Variants in THADA observed in about 807,000 individuals in gnomAD.
THADA encodes tRNA (32-2'-O)-methyltransferase regulator THADA.
Under a neutral mutation model 219.8 loss-of-function variants are expected in THADA, and 213 were observed. The observed-to-expected ratio is 0.97, with a 90% confidence interval of 0.87 to 1.09. The LOEUF (loss-of-function observed/expected upper bound fraction) is 1.09. Among genes scored for constraint, THADA ranks in the 50% least tolerant of loss-of-function variants. The pLI, the probability that THADA is intolerant of heterozygous loss-of-function variation, is 0.00. For synonymous variants in THADA, 1,018 were observed against 828.9 expected (o/e 1.23, Z -3.92); for missense variants, 2,956 against 2,311.3 (o/e 1.28, Z -5.72).
intron 4 of THADA, 128 bp downstream of exon 4, chr2:43,590,696 C>T (rs2104182312): frequency 1.4e-6 from 1 of 696,548 alleles, no homozygotes; most frequent in South Asian, 2.8e-5. Context: ...AAACAGAGAA[C>T]AAACCATATG....
chr2:43,397,966 C>T lies in THADA; in HGVS notation c.4227+5G>A. ...ACAGAAGTCACACAAAGCAACTTTA[C>T]TTACCTGGAGAAGTGTCCCATGAAT... On this transcript the variant is annotated splice_donor_5th_base_variant and intron_variant, in intron 29 of 37. Coordinates refer to ENST00000405975, the MANE Select transcript of THADA (RefSeq NM_022065.5). The T allele has an allele frequency of 1.9e-6, 3 of 1,613,660 alleles. No individual in the cohort carries two copies. Among genetic ancestry groups the T allele is most frequent in the African/African-American group, 1.3e-5 (1 of 75,046 alleles).
At chr2:43,570,098 T>C (rs1362220391) in intron 14 of THADA, among the ~76,000 whole-genome samples, 1 of 152,188 alleles carries the variant, frequency 6.6e-6, no homozygotes, top group Non-Finnish European at 1.5e-5. Flanking sequence ...TACTGTCAAT[T>C]ACCCTTCTGT....
At chr2:43,331,938 C>T (rs1023601541) in intron 30 of THADA, among the ~76,000 whole-genome samples, 1 of 152,048 alleles carries the variant, frequency 6.6e-6, no homozygotes, top group African/African-American at 2.4e-5. Context: ...CACACACACA[C>T]ACACACACAT....
Position 43,551,857 on chromosome 2 carries a change from G to C in THADA, c.2879C>G (p.Ser960Cys). The change falls in exon 19 of 38, where the codon TCC becomes TGC. Residue 960 changes from serine (S) to cysteine (C), a missense_variant. Physicochemically the swap from Ser to Cys is moderately radical, Grantham distance 112. Coordinates refer to ENST00000405975, the MANE Select transcript of THADA (RefSeq NM_022065.5). ...EKLLLMSYRLSTVVSPVIQSS... is the reference protein window; with the variant it reads ...EKLLLMSYRLCTVVSPVIQSS... ...CTGAATGACTGGAGACACCACAGTGGAAAGCCTGTAGGACATCAAAAGGAG... is the reference window on the plus strand; with the variant it reads ...CTGAATGACTGGAGACACCACAGTGCAAAGCCTGTAGGACATCAAAAGGAG... The C allele has an allele frequency of 6.2e-7, 1 of 1,613,878 alleles. No individual in the cohort carries two copies.
At chr2:43,569,000 G>A (rs559364940) in intron 14 of THADA, among the ~76,000 whole-genome samples, 13 of 151,986 alleles carry the variant, frequency 8.6e-5, no homozygotes, top group East Asian at 1.9e-4. Context: ...GCAGGGTCTC[G>A]CTGCTCTGTT....
At chr2:43,311,375 T>C (rs1285693182) in intron 31 of THADA, among the ~76,000 whole-genome samples, 1 of 152,144 alleles carries the variant, frequency 6.6e-6, no homozygotes, top group Non-Finnish European at 1.5e-5. Context: ...TAAGAGTTGG[T>C]AAGGATATTG....
At chr2:43,383,530 A>G (rs1672281080) in intron 29 of THADA, among the ~76,000 whole-genome samples, 2 of 152,226 alleles carry the variant, frequency 1.3e-5, no homozygotes, top group Non-Finnish European at 2.9e-5. Context: ...TGGTCCAACC[A>G]TCTAGCTACT....
intron 28 of THADA, among the ~76,000 whole-genome samples, chr2:43,410,965 C>G (rs1463780552): frequency 2.0e-5 from 3 of 152,188 alleles, no homozygotes; most frequent in African/African-American, 7.2e-5. Context: ...GCTCCATCTC[C>G]AAAACATCTC....
At chr2:43,313,214 G>A (rs563358806) in intron 31 of THADA, among the ~76,000 whole-genome samples, 12 of 152,230 alleles carry the variant, frequency 7.9e-5, no homozygotes, top group African/African-American at 2.9e-4. Flanking sequence ...CTGCAGAGGG[G>A]CTTATGTTAC....
chr2:43,581,823 T>C lies in THADA; in HGVS notation c.639A>G (p.Gly213=), dbSNP rs932051913. 2.5e-6 allele frequency: 4 copies of C among 1,612,886 alleles called. No individual in the cohort carries two copies. Among genetic ancestry groups the C allele is most frequent in the Non-Finnish European group, 8.5e-7 (1 of 1,179,722 alleles). The part of the protein sequence containing the change: ...MLVQKVQDFQ[G]NLWKTSDSPI... ...GAGAATCGGAAGTCTTCCAAAGATT[T>C]CCCTGGAAATCTTGTACTTTCTGTA... Residue 213 remains glycine (G), a synonymous_variant, in exon 8 of 38, where the codon GGA becomes GGG. Coordinates refer to ENST00000405975, the MANE Select transcript of THADA (RefSeq NM_022065.5).
At chr2:43,589,625 T>C (rs950546071) in intron 4 of THADA, among the ~76,000 whole-genome samples, 1 of 152,170 alleles carries the variant, frequency 6.6e-6, no homozygotes, top group Admixed American at 6.5e-5. Context: ...AAGTGGAAGC[T>C]TATCTATGAG....
intron 30 of THADA, among the ~76,000 whole-genome samples, chr2:43,327,070 T>G (rs1236346313): frequency 1.3e-5 from 2 of 152,030 alleles, no homozygotes; most frequent in Non-Finnish European, 2.9e-5. Context: ...GAGGGGTATA[T>G]GTGGAGAAAA....
At chr2:43,530,626 A>G (rs1693745715) in intron 21 of THADA, among the ~76,000 whole-genome samples, 1 of 152,202 alleles carries the variant, frequency 6.6e-6, no homozygotes, top group African/African-American at 2.4e-5. Context: ...AAAATGTTGC[A>G]GATATTAAAA....
intron 29 of THADA, among the ~76,000 whole-genome samples, chr2:43,348,724 G>A (rs1330530319): frequency 6.6e-6 from 1 of 152,166 alleles, no homozygotes; most frequent in Non-Finnish European, 1.5e-5. Flanking sequence ...TGAACAAGGG[G>A]CATCTTTCAA....
At chr2:43,391,531 T>G (rs1673381704) in intron 29 of THADA, among the ~76,000 whole-genome samples, 1 of 152,224 alleles carries the variant, frequency 6.6e-6, no homozygotes, top group Non-Finnish European at 1.5e-5. Flanking sequence ...AAAAATGACT[T>G]TTTTGGGCTT....
intron 29 of THADA, among the ~76,000 whole-genome samples, chr2:43,383,975 A>G (rs1321162760): frequency 6.6e-6 from 1 of 152,174 alleles, no homozygotes; most frequent in Non-Finnish European, 1.5e-5. Context: ...GGCTTCTACC[A>G]TCACTCCTGG....
At chr2:43,304,662 G>A (rs1676641499) in intron 31 of THADA, among the ~76,000 whole-genome samples, 1 of 150,402 alleles carries the variant, frequency 6.6e-6, no homozygotes, top group African/African-American at 2.5e-5. Context: ...AAAAAATACA[G>A]AGCAGACTTC....
chr2:43,448,560 C>CTTTTT (rs71410179), intron 26 of THADA, among the ~76,000 whole-genome samples: 62 of 103,372 alleles, frequency 6.0e-4, no homozygotes, highest in Middle Eastern at 5.2e-3. Flanking sequence ...TTCTTCCTTT[C>CTTTTT]TTTTTTTTTT....
chr2:43,590,690 A>C (rs973607443), intron 4 of THADA, 134 bp downstream of exon 4: 2 of 881,220 alleles, frequency 2.3e-6, no homozygotes, highest in Non-Finnish European at 3.4e-6. Context: ...TCAATGAAAC[A>C]GAGAACAAAC....
Sources: allele counts gnomAD v4.1 joint callset (sites outside exome capture counted in the v4.1 genomes callset), GRCh38; gene constraint gnomAD v4.1.1; transcripts MANE v1.5; gene names NCBI Gene and HGNC (gene_info 2026-07-23, HGNC 2026-07-21).